The following PHF3 variants were observed in gnomAD, a reference collection of about 807,000 sequenced individuals.
PHF3 encodes the protein PHD finger protein 3.
In PHF3, 41 loss-of-function variants were observed where a neutral mutation model predicts 178.4. The ratio of observed to expected loss-of-function variants is 0.23; its 90% CI spans 0.18 to 0.30. PHF3 has a LOEUF of 0.30. Ranked by LOEUF, PHF3 falls within the 10% of genes least tolerant of loss-of-function variation. The pLI, the probability that PHF3 is intolerant of heterozygous loss-of-function variation, is 1.00. For synonymous variants in PHF3, 842 were observed against 800.5 expected (o/e 1.05, Z -0.88); for missense variants, 2,346 against 2,398.1 (o/e 0.98, Z 0.45).
At chr6:63,694,789 A>G (rs1443910616) in intron 6 of PHF3, 25 bp downstream of exon 6, 13 of 1,237,564 alleles carry the variant, frequency 1.1e-5, no homozygotes, top group Non-Finnish European at 9.6e-6. Flanking sequence ...AGAAAAAATT[A>G]TATACTAATA....
At position 63,713,057 on chromosome 6, in the gene PHF3, T is replaced by C. The variant is rs759679060; in HGVS notation, c.5469T>C (p.Phe1823=). The change falls in exon 16 of 16, where the codon TTT becomes TTC. Residue 1823 remains phenylalanine (F), a synonymous_variant. Transcript: ENST00000262043. ...TTCCATTTCCAGGGCCTCCTAATTT[T>C]CCCCCACAAAGCATGTTTGGATTTC... ...PGFPFPGPPN[F]PPQSMFGFPP... 4 of 1,613,874 alleles carry C rather than the reference T, an allele frequency of 2.5e-6. No individual in the cohort carries two copies. Among genetic ancestry groups the C allele is most frequent in the South Asian group, 2.2e-5 (2 of 91,060 alleles).
At position 63,713,744 on chromosome 6, in the gene PHF3, CTG is replaced by C. The variant is rs778391427; in HGVS notation, c.*38_*39del. 51 of 1,442,596 alleles carry C rather than the reference CTG, an allele frequency of 3.5e-5. No homozygotes were observed. Among genetic ancestry groups the C allele is most frequent in the South Asian group, 8.5e-5 (6 of 70,530 alleles). The allele number at this position is 1,442,596 out of a possible 1,614,324, so 89.4% of individuals were successfully genotyped here. The stretch of plus-strand genomic sequence containing the variant: ...CTGCTTCAGGATTACATTTAAATAA[CTG>C]TTAAAATGTTGTATCTTGTAAACAA... On this transcript the variant is annotated 3_prime_UTR_variant, in exon 16 of 16. Transcript: ENST00000262043.
chr6:63,678,220 CA>C (rs201977192), intron 2 of PHF3, among the ~76,000 whole-genome samples: 13,832 of 117,018 alleles, frequency 0.12, 655 homozygotes, highest in East Asian at 0.2. Flanking sequence ...GACTCCGTCT[CA>C]AAAAAAAAAA....
chr6:63,662,080 T>C (rs1421746899), intron 2 of PHF3, among the ~76,000 whole-genome samples: 1 of 152,136 alleles, frequency 6.6e-6, no homozygotes, highest in African/African-American at 2.4e-5. Context: ...ACTCTGCATG[T>C]GAGGGATCTA....
intron 4 of PHF3, among the ~76,000 whole-genome samples, chr6:63,687,724 G>C (rs901970958): frequency 3.3e-5 from 5 of 152,170 alleles, no homozygotes; most frequent in Admixed American, 2.0e-4. Context: ...GCTTTTTAAT[G>C]ATGACTCATG....
chr6:63,651,941 A>G lies in PHF3; in HGVS notation c.244+5146A>G, dbSNP rs1358277314. 2.6e-5 allele frequency among the ~76,000 whole-genome samples: 4 copies of G among 152,062 alleles called. No individual in the cohort carries two copies. In the East Asian group the frequency reaches 7.7e-4, roughly 29 times the overall value. ...ATATATATACCACATTTTCTTATTC[A>G]TCCACCTGTTGGTAGACACTTAGGT... is the stretch of plus-strand genomic sequence containing the variant. On this transcript the variant is annotated intron_variant, in intron 2 of 15. Coordinates refer to ENST00000262043, the MANE Select transcript of PHF3 (RefSeq NM_001370348.2).
In PHF3 at chr6:63,709,095, G is replaced by A. The variant is rs953446912; in HGVS notation, c.3712-56G>A. ...AATCAAATTTGTATGAATTACTAAT[G>A]TCATAATAAAGATAATCTATATATA... On this transcript the variant is annotated intron_variant, in intron 13 of 15. Transcript: ENST00000262043. 12 of 864,674 alleles carry A rather than the reference G, an allele frequency of 1.4e-5. No individual in the cohort carries two copies. In the African/African-American group the frequency reaches 2.2e-4, roughly 16 times the overall value. 53.6% of individuals were successfully genotyped at this position (864,674 alleles called of 1,614,324 possible). A position where few individuals can be genotyped will look rare whatever the true frequency, so the allele number is the denominator to read the frequency against.
intron 6 of PHF3, among the ~76,000 whole-genome samples, chr6:63,697,554 TGA>T (rs946113578): frequency 2.3e-4 from 35 of 152,186 alleles, no homozygotes; most frequent in African/African-American, 8.2e-4. Flanking sequence ...CCTATTTGGG[TGA>T]AGGATAAAAG....
At chr6:63,640,044 T>G (rs374156470) in intron 1 of PHF3, among the ~76,000 whole-genome samples, 60 of 152,226 alleles carry the variant, frequency 3.9e-4, no homozygotes, top group African/African-American at 1.4e-3. Flanking sequence ...TAGTTGTCTT[T>G]GTGCAGCAGA....
rs143288493 is a variant in PHF3 at position 63,711,205 on chromosome 6, A to G, written c.3840A>G (p.Glu1280=). The G allele has an allele frequency of 6.1e-5, 98 of 1,609,282 alleles. No homozygotes were observed. The highest frequency in any genetic ancestry group is 8.0e-5 in the Non-Finnish European group (94 of 1,178,324). Residue 1280 remains glutamate (E), a synonymous_variant, in exon 15 of 16, where the codon GAA becomes GAG. Coordinates refer to ENST00000262043, the MANE Select transcript of PHF3 (RefSeq NM_001370348.2). The part of the protein sequence containing the change: ...CVVRFTPVTE[E]DQISYTLLFA... ...TTCGCTTCACACCAGTAACTGAAGA[A>G]GATCAAATTTCTTATACTTTGCTCT... is the stretch of plus-strand genomic sequence containing the variant.
At chr6:63,664,416 A>G (rs1312313309) in intron 2 of PHF3, among the ~76,000 whole-genome samples, 3 of 152,144 alleles carry the variant, frequency 2.0e-5, no homozygotes, top group Non-Finnish European at 2.9e-5. Context: ...CAAAATTGCT[A>G]CTTGTGTATT....
rs773977173 is a variant in PHF3 at position 63,706,114 on chromosome 6, A to C, written c.3453A>C (p.Glu1151Asp). Reference sequence around the variant, plus strand: ...TAGCTCGCAAACATTCAGACAATGAAGCAGAAAGTATAGCAGATGCATTAT... The same window carrying C: ...TAGCTCGCAAACATTCAGACAATGACGCAGAAAGTATAGCAGATGCATTAT... ...VGVARKHSDNEAESIADALSS... is the reference protein window; with the variant it reads ...VGVARKHSDNDAESIADALSS... Residue 1151 changes from glutamate (E) to aspartate (D), a missense_variant, in exon 12 of 16, where the codon GAA becomes GAC. Around this residue, in one of 8 missense-constraint regions of PHF3, gnomAD observed 205 missense variants for 212.4 expected, o/e 0.97. Transcript: ENST00000262043. The C allele has an allele frequency of 6.2e-7, 1 of 1,613,944 alleles. No individual in the cohort carries two copies. The highest frequency in any genetic ancestry group is 8.5e-7 in the Non-Finnish European group (1 of 1,179,884).
chr6:63,687,546 A>G (rs1156569162), intron 4 of PHF3, among the ~76,000 whole-genome samples: 2 of 152,230 alleles, frequency 1.3e-5, no homozygotes, highest in South Asian at 2.1e-4. Flanking sequence ...CTCTGCCAGA[A>G]TCTTTAAAAA....
intron 1 of PHF3, among the ~76,000 whole-genome samples, chr6:63,637,194 T>G (rs1764379171): frequency 6.6e-6 from 1 of 152,242 alleles, no homozygotes; most frequent in East Asian, 1.9e-4. Flanking sequence ...TATCTTATTT[T>G]AAGCTAAATT....
intron 2 of PHF3, among the ~76,000 whole-genome samples, chr6:63,654,204 A>G (rs1765136612): frequency 6.6e-6 from 1 of 152,118 alleles, no homozygotes; most frequent in Non-Finnish European, 1.5e-5. Flanking sequence ...TTTGTTCTTT[A>G]AATGTTTGAT....
intron 6 of PHF3, among the ~76,000 whole-genome samples, chr6:63,697,655 GTA>G (rs2149597572): frequency 6.6e-6 from 1 of 152,250 alleles, no homozygotes; most frequent in African/African-American, 2.4e-5. Flanking sequence ...GCTGGTAATG[GTA>G]TTAGACTGTC....
At position 63,706,950 on chromosome 6, in the gene PHF3, AAGAC is replaced by A. The variant is rs1303796730; in HGVS notation, c.3711+78_3711+81del. 4 of 1,278,894 alleles carry A rather than the reference AAGAC, an allele frequency of 3.1e-6. No individual in the cohort carries two copies. In the African/African-American group the frequency reaches 5.9e-5, roughly 19 times the overall value. 79.2% of individuals were successfully genotyped at this position (1,278,894 alleles called of 1,614,324 possible). Reference sequence around the variant, plus strand: ...TTCTGAAAGTAATTGACAGGGAAATAAGACAGAGTTAGTAATAGAAATATTTATT... The same window carrying A: ...TTCTGAAAGTAATTGACAGGGAAATAAGAGTTAGTAATAGAAATATTTATT... On this transcript the variant is annotated intron_variant, in intron 13 of 15. Transcript: ENST00000262043.
At chr6:63,660,930 T>G (rs935701303) in intron 2 of PHF3, among the ~76,000 whole-genome samples, 2 of 152,242 alleles carry the variant, frequency 1.3e-5, no homozygotes, top group African/African-American at 2.4e-5. Flanking sequence ...ATATCTGTGT[T>G]GTCCCTGTGG....
At position 63,723,831 on chromosome 6, in the gene PHF3, A is replaced by C. The variant is rs1286534188; in HGVS notation, c.*10123A>C. ...TATTATTATTATTATTATTATTATT[A>C]TTATTTTGAGACCAGAGTCCTGCTC... On this transcript the variant is annotated 3_prime_UTR_variant, in exon 16 of 16. Transcript: ENST00000262043. Among the ~76,000 whole-genome samples the C allele has an allele frequency of 6.1e-5, 8 of 130,212 alleles. No homozygotes were observed. In the East Asian group the frequency reaches 1.7e-3, roughly 28 times the overall value. The allele number at this position is 130,212 out of a possible 152,430, so 85.4% of individuals were successfully genotyped here.
Sources: allele counts gnomAD v4.1 joint callset (sites outside exome capture counted in the v4.1 genomes callset), GRCh38; gene constraint gnomAD v4.1.1; regional missense constraint gnomAD v4.1.1; transcripts MANE v1.5; gene names NCBI Gene and HGNC (gene_info 2026-07-23, HGNC 2026-07-21).